LMX1B: variants seen among roughly 807,000 people sequenced by gnomAD.
LMX1B encodes LIM homeobox transcription factor 1-beta.
Under a neutral mutation model 51.4 loss-of-function variants are expected in LMX1B, and 12 were observed. The observed-to-expected ratio is 0.23, with a 90% CI of 0.15 to 0.38. The LOEUF (loss-of-function observed/expected upper bound fraction) is 0.38. LMX1B is among the 10% of genes least tolerant of loss of function. The pLI, the probability that LMX1B is intolerant of heterozygous loss-of-function variation, is 1.00. For synonymous variants in LMX1B, 237 were observed against 235.4 expected (o/e 1.01, Z -0.06); for missense variants, 445 against 571.1 (o/e 0.78, Z 2.25).
Position 126,695,943 on chromosome 9 carries a change from G to A in LMX1B, c.991G>A (p.Asp331Asn), listed in dbSNP as rs777089988. ...AMEQSPYGSS[D>N]PFQQGLTPPQ... ...GGAACAGAGCCCCTACGGCAGCAGC[G>A]ACCCCTTCCAGCAGGGCCTCACGCC... Residue 331 changes from aspartate (D) to asparagine (N), a missense_variant, in exon 7 of 8, where the codon GAC becomes AAC. Around this residue, in one of 3 missense-constraint regions of LMX1B, gnomAD observed 162 missense variants for 187.8 expected, o/e 0.86. Coordinates refer to ENST00000373474, the MANE Select transcript of LMX1B (RefSeq NM_001174147.2). The surrounding 1 kb of genome is among the most constrained non-coding windows in gnomAD (Gnocchi z 5.2). 1.5e-5 allele frequency: 25 copies of A among 1,613,094 alleles called. No homozygotes were observed. The highest frequency in any genetic ancestry group is 4.0e-5 in the African/African-American group (3 of 74,822).
chr9:126,659,781 G>A (rs948282627), intron 2 of LMX1B, among the ~76,000 whole-genome samples: 3 of 152,132 alleles, frequency 2.0e-5, no homozygotes, highest in Non-Finnish European at 4.4e-5. Context: ...ATGTGGGAAT[G>A]TCTACACTGG....
intron 2 of LMX1B, among the ~76,000 whole-genome samples, chr9:126,683,520 C>T (rs997399966): frequency 2.0e-5 from 3 of 152,206 alleles, no homozygotes; most frequent in Non-Finnish European, 2.9e-5. Flanking sequence ...CAGCAGCAGC[C>T]GTGACCCCCA....
rs3861878 is a variant in LMX1B at position 126,699,633 on chromosome 9, A to G, written c.*3182A>G. On this transcript the variant is annotated 3_prime_UTR_variant, in exon 8 of 8. Transcript: ENST00000373474. ...GACTGGGTGTGGCTCGCAGATGAAC[A>G]AGATGCAGGGCCTGCCTTGAGGGGT... 0.28 allele frequency: 42,114 copies of G among 152,314 alleles called. 5,879 individuals are homozygous for G. Among genetic ancestry groups the G allele is most frequent in the South Asian group, 0.37 (1,764 of 4,828 alleles). 9.4% of individuals were successfully genotyped at this position (152,314 alleles called of 1,614,324 possible). A position where few individuals can be genotyped will look rare whatever the true frequency, so the allele number is the denominator to read the frequency against.
chr9:126,656,388 TAGA>T (rs1405671446), intron 2 of LMX1B, among the ~76,000 whole-genome samples: 1 of 43,188 alleles, frequency 2.3e-5, no homozygotes, highest in Non-Finnish European at 5.3e-5. Context: ...GGTCTTTAGA[TAGA>T]TAGATAGATA....
rs761412099 is a variant in LMX1B, at chr9:126,695,968, C to T, written c.1016C>T (p.Pro339Leu). Residue 339 changes from proline to leucine, a missense_variant, in exon 7 of 8, where the codon CCG (proline) becomes CTG (leucine). This residue lies in a region of LMX1B where 162 missense variants were observed against 187.8 expected (regional missense o/e 0.86). Transcript: ENST00000373474. The surrounding 1 kb of genome is among the most constrained non-coding windows in gnomAD (Gnocchi z 5.2). Reference protein sequence around the residue: ...SSDPFQQGLTPPQMPGDHMNP... With the variant: ...SSDPFQQGLTLPQMPGDHMNP... ...GACCCCTTCCAGCAGGGCCTCACGC[C>T]GCCCCAAATGCCAGGTGACCACATG... 4.3e-6 allele frequency: 7 copies of T among 1,612,438 alleles called. No homozygotes were observed. The highest frequency in any genetic ancestry group is 5.9e-6 in the Non-Finnish European group (7 of 1,179,432).
intron 4 of LMX1B, 69 bp downstream of exon 4, chr9:126,693,392 C>A: frequency 6.4e-7 from 1 of 1,554,248 alleles, no homozygotes; most frequent in Non-Finnish European, 8.8e-7. Context: ...GGAGACCACC[C>A]CCTGCTCCTG....
chr9:126,622,274 G>C (rs1435763321), intron 2 of LMX1B, among the ~76,000 whole-genome samples: 1 of 152,190 alleles, frequency 6.6e-6, no homozygotes, highest in African/African-American at 2.4e-5. Flanking sequence ...CCGGTTCCTG[G>C]AGCCTGGTTC....
chr9:126,668,654 A>T (rs1035782669), intron 2 of LMX1B, among the ~76,000 whole-genome samples: 1 of 152,034 alleles, frequency 6.6e-6, no homozygotes, highest in African/African-American at 2.4e-5. Context: ...GGGTTTCACC[A>T]TGTTGGCCGG....
intron 2 of LMX1B, among the ~76,000 whole-genome samples, chr9:126,653,034 C>T (rs1167648616): frequency 1.3e-5 from 2 of 151,210 alleles, no homozygotes; most frequent in Non-Finnish European, 2.9e-5. Context: ...AGGAACAGAG[C>T]GGTGCCTGGG....
chr9:126,676,796 C>T (rs565351605), intron 2 of LMX1B, among the ~76,000 whole-genome samples: 13 of 152,196 alleles, frequency 8.5e-5, no homozygotes, highest in Non-Finnish European at 1.2e-4. Flanking sequence ...GGAGGACTTG[C>T]GCACAGTTGG....
intron 2 of LMX1B, among the ~76,000 whole-genome samples, chr9:126,683,602 C>T (rs901924625): frequency 6.6e-6 from 1 of 152,152 alleles, no homozygotes; most frequent in African/African-American, 2.4e-5. Flanking sequence ...ATCAGAGCCC[C>T]GTCCCGCCCA....
At position 126,673,149 on chromosome 9, in the gene LMX1B, C is replaced by G. The variant is rs939176150; in HGVS notation, c.327-17687C>G. Among the ~76,000 whole-genome samples the G allele has an allele frequency of 3.3e-5, 5 of 152,126 alleles. No individual in the cohort carries two copies. Among genetic ancestry groups the G allele is most frequent in the Non-Finnish European group, 5.9e-5 (4 of 68,016 alleles). ...ACTCATTCTCCTTGCCTTCCAGGGT[C>G]GAGAGGAGATGAGAACTCCAGAAGC... On this transcript the variant is annotated intron_variant, in intron 2 of 7. Transcript: ENST00000373474. The surrounding 1 kb of genome is among the most constrained non-coding windows in gnomAD (Gnocchi z 4.4).
chr9:126,620,592 T>G (rs1234811357), intron 2 of LMX1B, among the ~76,000 whole-genome samples: 1 of 152,138 alleles, frequency 6.6e-6, no homozygotes, highest in African/African-American at 2.4e-5. Flanking sequence ...GCTGGGCTCT[T>G]TCTCCTTTGG....
chr9:126,674,603 C>T (rs1337584649), intron 2 of LMX1B, among the ~76,000 whole-genome samples: 4 of 152,350 alleles, frequency 2.6e-5, no homozygotes, highest in African/African-American at 7.2e-5. Context: ...GGCATCTCCA[C>T]GTGGTCCCCC....
chr9:126,640,517 T>C (rs1835790420), intron 2 of LMX1B, among the ~76,000 whole-genome samples: 1 of 152,224 alleles, frequency 6.6e-6, no homozygotes. Flanking sequence ...CTGTCATGTA[T>C]GTGACAAGTC....
Position 126,695,899 on chromosome 9 carries a change from A to G in LMX1B, c.947A>G (p.Gln316Arg). 1 of 1,613,322 alleles carries G rather than the reference A, an allele frequency of 6.2e-7. No individual in the cohort carries two copies. Among genetic ancestry groups the G allele is most frequent in the Non-Finnish European group, 8.5e-7 (1 of 1,179,790 alleles). Residue 316 changes from glutamine (Q) to arginine (R), a missense_variant, in exon 7 of 8, where the codon CAG becomes CGG. Gln to Arg is a conservative substitution (Grantham distance 43). This residue lies in a region of LMX1B where 162 missense variants were observed against 187.8 expected (regional missense o/e 0.86). Transcript: ENST00000373474. This position sits in a 1 kb window ranked among gnomAD's most constrained non-coding sequence, Gnocchi z 5.2. ...TCCTACACGCCGCTGGCCCCACCAC[A>G]GCAGCAGATCGTGGCCATGGAACAG... ...MASYTPLAPP[Q>R]QQIVAMEQSP... is the part of the protein sequence containing the mutation.
At chr9:126,679,047 CTGGAGATCTGACACTCCGCTCGCA>C (rs370816573) in intron 2 of LMX1B, among the ~76,000 whole-genome samples, 34 of 152,304 alleles carry the variant, frequency 2.2e-4, no homozygotes, top group African/African-American at 7.7e-4. Context: ...TAGTGGTACC[CTGGAGATCTGACACTCCGCTCGCA>C]TGGAATACCT....
rs1395789523 is a variant in LMX1B, at chr9:126,615,671, C to A, written c.326+102C>A. 4.5e-6 allele frequency: 5 copies of A among 1,102,046 alleles called. No individual in the cohort carries two copies. The highest frequency in any genetic ancestry group is 5.0e-6 in the Non-Finnish European group (4 of 799,302). The allele number at this position is 1,102,046 out of a possible 1,614,324, so 68.3% of individuals were successfully genotyped here. A position where few individuals can be genotyped will look rare whatever the true frequency, so the allele number is the denominator to read the frequency against. On this transcript the variant is annotated intron_variant, in intron 2 of 7. Coordinates refer to ENST00000373474, the MANE Select transcript of LMX1B (RefSeq NM_001174147.2). This position sits in a 1 kb window ranked among gnomAD's most constrained non-coding sequence, Gnocchi z 6.0. Reference sequence around the variant, plus strand: ...CGCCCGCTCTGCCGCCGGCTCTGTGCGCGGCTGGGCCGGGCAGCTCCAAGG... The same window carrying A: ...CGCCCGCTCTGCCGCCGGCTCTGTGAGCGGCTGGGCCGGGCAGCTCCAAGG...
At chr9:126,693,623 C>G (rs2030223058) in intron 5 of LMX1B, 22 bp downstream of exon 5, 1 of 1,613,510 alleles carries the variant, frequency 6.2e-7, no homozygotes. Flanking sequence ...CCCCCCATCC[C>G]CACTGGCCCC....
Sources: gnomAD v4.1 joint callset for allele counts (sites outside exome capture counted in the v4.1 genomes callset) on GRCh38, gnomAD v4.1.1 for gene constraint, gnomAD v4.1.1 regional missense constraint, Gnocchi (gnomAD v3.1) non-coding constraint, MANE v1.5 for transcripts, NCBI Gene and HGNC (gene_info 2026-07-23, HGNC 2026-07-21) for gene names.